TMEM182: variants seen among roughly 807,000 people sequenced by gnomAD.
TMEM182 encodes the protein transmembrane protein 182.
In TMEM182, 20 loss-of-function variants were observed where a neutral mutation model predicts 26.8. That is an observed-to-expected ratio of 0.75 (90% CI 0.53 to 1.09). The LOEUF (loss-of-function observed/expected upper bound fraction) is 1.09. TMEM182 is among the 50% of genes least tolerant of loss of function. The probability of loss-of-function intolerance (pLI) is 0.00; values close to 1 mark genes in which losing one functional copy is unlikely to be tolerated. For missense variants in TMEM182, 277 were observed against 275.5 expected (o/e 1.01, Z -0.04); for synonymous variants, 109 against 102.2 (o/e 1.07, Z -0.40).
At chr2:102,768,780 T>C (rs796428237) in intron 3 of TMEM182, among the ~76,000 whole-genome samples, 3 of 152,092 alleles carry the variant, frequency 2.0e-5, no homozygotes, top group African/African-American at 7.2e-5. Context: ...GTGTTTTGCT[T>C]TTATTGTCAA....
chr2:102,786,210 G>GGTTTTT (rs1553440490), intron 3 of TMEM182, among the ~76,000 whole-genome samples: 1 of 91,796 alleles, frequency 1.1e-5, no homozygotes, highest in African/African-American at 4.4e-5. Flanking sequence ...TCAGCAATCT[G>GGTTTTT]TTTTTTTTTT....
At chr2:102,762,720 C>A in intron 2 of TMEM182, 34 bp downstream of exon 2, 1 of 1,560,558 alleles carries the variant, frequency 6.4e-7, no homozygotes, top group South Asian at 1.1e-5. Flanking sequence ...TCCCTCTTGT[C>A]TGTAAAATAA....
chr2:102,842,736 T>C (rs1480507101), intron 3 of TMEM182, among the ~76,000 whole-genome samples: 1 of 152,128 alleles, frequency 6.6e-6, no homozygotes, highest in Admixed American at 6.5e-5. Context: ...TCCTGGAGGA[T>C]GGACTTAACT....
chr2:102,803,031 T>G (rs765123855), intron 4 of TMEM182, among the ~76,000 whole-genome samples: 14 of 152,216 alleles, frequency 9.2e-5, no homozygotes, highest in Non-Finnish European at 1.8e-4. Context: ...CTGGTGAGAC[T>G]ACCTAGACGT....
intron 3 of TMEM182, among the ~76,000 whole-genome samples, chr2:102,783,665 C>G (rs1333588886): frequency 3.9e-5 from 6 of 152,078 alleles, no homozygotes; most frequent in African/African-American, 1.4e-4. Flanking sequence ...TCTTTTAGTT[C>G]CAGCAACTCA....
chr2:102,752,773 A>G (rs929433689), intron 1 of TMEM182, among the ~76,000 whole-genome samples: 3 of 152,220 alleles, frequency 2.0e-5, no homozygotes, highest in African/African-American at 7.2e-5. Flanking sequence ...GTTTCCTGAT[A>G]AAGAAGGAAC....
At chr2:102,786,934 G>T (rs986676964) in intron 3 of TMEM182, among the ~76,000 whole-genome samples, 1 of 152,164 alleles carries the variant, frequency 6.6e-6, no homozygotes, top group Admixed American at 6.5e-5. Flanking sequence ...TTCAGTTAGC[G>T]CTGACCTTCA....
intron 4 of TMEM182, among the ~76,000 whole-genome samples, chr2:102,804,862 C>T (rs997805591): frequency 2.0e-5 from 3 of 152,184 alleles, no homozygotes. Flanking sequence ...CTAGATCTGC[C>T]TTCTAAACAG....
At chr2:102,804,441 A>G (rs1005384620) in intron 4 of TMEM182, among the ~76,000 whole-genome samples, 1 of 152,232 alleles carries the variant, frequency 6.6e-6, no homozygotes, top group African/African-American at 2.4e-5. Flanking sequence ...TACACCTAGA[A>G]TAATAGTCTC....
In TMEM182 at chr2:102,762,331, A is replaced by G. The variant is rs1407605417; in HGVS notation, c.114A>G (p.Arg38=). The G allele has an allele frequency of 1.9e-6, 3 of 1,613,726 alleles. No homozygotes were observed. The highest frequency in any genetic ancestry group is 2.5e-6 in the Non-Finnish European group (3 of 1,179,924). Reference sequence around the variant, plus strand: ...GGCTTCTTGCAACTGAAGTGGGGAGATGTTCAGGTGAAAAGAATGTGAGTC... The same window carrying G: ...GGCTTCTTGCAACTGAAGTGGGGAGGTGTTCAGGTGAAAAGAATGTGAGTC... The part of the protein sequence containing the change: ...DYWLLATEVG[R]CSGEKNIENV... Residue 38 remains arginine (R), a synonymous_variant, in exon 1 of 5, where the codon AGA becomes AGG. Transcript: ENST00000412401.
upstream of TMEM182, chr2:102,758,607 G>T (rs1277798254): frequency 6.2e-6 from 4 of 648,076 alleles, no homozygotes; most frequent in Non-Finnish European, 1.1e-5. Flanking sequence ...TACCAAGCTG[G>T]GCCAGATCAG....
chr2:102,773,601 TG>T (rs1257749790), intron 3 of TMEM182, among the ~76,000 whole-genome samples: 1 of 151,490 alleles, frequency 6.6e-6, no homozygotes, highest in Admixed American at 6.6e-5. Flanking sequence ...CAGAGGCAAC[TG>T]GGGAGGCTGA....
At chr2:102,843,837 T>C (rs970608223) in exon 4 of TMEM182, 2 of 152,246 alleles carry the variant, frequency 1.3e-5, no homozygotes, top group Non-Finnish European at 2.9e-5. Context: ...TTTGGGATTA[T>C]AGTATTTGTT....
chr2:102,782,591 G>A (rs1681218866), intron 3 of TMEM182, among the ~76,000 whole-genome samples: 1 of 152,074 alleles, frequency 6.6e-6, no homozygotes, highest in Non-Finnish European at 1.5e-5. Flanking sequence ...GAAAGCCAAG[G>A]ATTTCATCTG....
At chr2:102,755,292 A>C (rs1679997847) in intron 1 of TMEM182, among the ~76,000 whole-genome samples, 1 of 152,170 alleles carries the variant, frequency 6.6e-6, no homozygotes, top group Non-Finnish European at 1.5e-5. Context: ...TGACTTTGTT[A>C]ATTTGTTTTA....
intron 1 of TMEM182, among the ~76,000 whole-genome samples, chr2:102,750,123 A>G (rs1056026296): frequency 5.3e-5 from 8 of 152,218 alleles, no homozygotes; most frequent in African/African-American, 1.9e-4. Flanking sequence ...GTAGTATGCT[A>G]CTTGCACAGA....
chr2:102,821,678 A>C (rs190860122), downstream of TMEM182, among the ~76,000 whole-genome samples: 223 of 152,278 alleles, frequency 1.5e-3, 1 homozygote, highest in Non-Finnish European at 2.1e-3. Context: ...TCAGTCTCTC[A>C]TCTCCTTTAG....
chr2:102,799,454 G>C (rs1347891410), intron 4 of TMEM182, among the ~76,000 whole-genome samples: 1 of 152,196 alleles, frequency 6.6e-6, no homozygotes, highest in African/African-American at 2.4e-5. Context: ...TGAAGAAAAG[G>C]CATACATATA....
upstream of TMEM182, among the ~76,000 whole-genome samples, chr2:102,761,567 C>A (rs945851171): frequency 1.3e-5 from 2 of 152,174 alleles, no homozygotes; most frequent in Non-Finnish European, 2.9e-5. Context: ...AGATTATAAA[C>A]GTGAACTGTA....
Sources: allele counts gnomAD v4.1 joint callset (sites outside exome capture counted in the v4.1 genomes callset), GRCh38; gene constraint gnomAD v4.1.1; transcripts MANE v1.5; gene names NCBI Gene and HGNC (gene_info 2026-07-23, HGNC 2026-07-21).